Variants in IGSF10 observed in about 807,000 individuals in gnomAD.
The protein encoded by IGSF10 is immunoglobulin superfamily member 10.
In IGSF10, 126 loss-of-function variants were observed where a neutral mutation model predicts 128.2. That is an observed-to-expected ratio of 0.98 (90% CI 0.85 to 1.14). The LOEUF (loss-of-function observed/expected upper bound fraction) is 1.14. Ranked by LOEUF, IGSF10 falls within the 50% of genes most tolerant of loss-of-function variation. The probability of loss-of-function intolerance (pLI) is 0.00; values close to 1 mark genes in which losing one functional copy is unlikely to be tolerated. For missense variants in IGSF10, 3,295 were observed against 3,149.8 expected, an observed-to-expected ratio of 1.05 and a Z score of -1.10; for synonymous variants, 1,185 against 1,146.2, an observed-to-expected ratio of 1.03 and a Z score of -0.68.
the IGSF10 span, among the ~76,000 whole-genome samples, chr3:151,497,196 A>T: frequency 1.3e-5 from 2 of 151,990 alleles, no homozygotes; most frequent in Admixed American, 6.6e-5. Flanking sequence ...CCCATTTGTC[A>T]ATTTTGGCTT....
At chr3:151,464,100 A>G (rs1486520506), upstream of IGSF10, among the ~76,000 whole-genome samples, 1 of 152,318 alleles carries the variant, frequency 6.6e-6, no homozygotes, top group East Asian at 1.9e-4. Context: ...TAATTTGCCA[A>G]GATCTCAGAG....
At chr3:151,524,868 T>A in the IGSF10 span, among the ~76,000 whole-genome samples, 4 of 152,090 alleles carry the variant, frequency 2.6e-5, no homozygotes, top group Admixed American at 6.6e-5. Flanking sequence ...TGGATTTTGA[T>A]TTTTTCCTTC....
At chr3:151,567,200 A>G in the IGSF10 span, among the ~76,000 whole-genome samples, 1 of 152,188 alleles carries the variant, frequency 6.6e-6, no homozygotes, top group East Asian at 1.9e-4. Context: ...AGAAACTTCT[A>G]TCTTCAGTGG....
the IGSF10 span, among the ~76,000 whole-genome samples, chr3:151,619,724 G>A: frequency 1.4e-4 from 21 of 152,098 alleles, no homozygotes; most frequent in Non-Finnish European, 2.6e-4. Flanking sequence ...TGGAATATTT[G>A]GGAGGTGATT....
chr3:151,446,544 G>A lies in IGSF10; in HGVS notation c.3437C>T (p.Ala1146Val), dbSNP rs1193050509. The change falls in exon 6 of 8, where the codon GCT (alanine) becomes GTT (valine). Residue 1146 changes from alanine (A) to valine (V), a missense_variant. By Grantham distance (64) the Ala-to-Val change is moderately conservative. Transcript: ENST00000282466. ...VTPTGAVMTY[A>V]PTSIPMEKTH... ...TTTTTCCATGGGTATGGATGTTGGA[G>A]CATATGTCATGACTGCACCAGTTGG... 8 of 1,614,054 alleles carry A rather than the reference G, an allele frequency of 5.0e-6. 1 individual carries two copies. Among genetic ancestry groups the A allele is most frequent in the Middle Eastern group, 3.3e-4 (2 of 6,062 alleles).
the IGSF10 span, among the ~76,000 whole-genome samples, chr3:151,596,003 T>C: frequency 6.6e-6 from 1 of 152,264 alleles, no homozygotes; most frequent in South Asian, 2.1e-4. Context: ...TTTGAGATGA[T>C]GGGTGTGTTA....
chr3:151,523,538 G>A, the IGSF10 span, among the ~76,000 whole-genome samples: 1 of 152,132 alleles, frequency 6.6e-6, no homozygotes. Context: ...TTTGATCTTC[G>A]ACAAAGCTGA....
At chr3:151,499,252 G>A in the IGSF10 span, among the ~76,000 whole-genome samples, 73 of 152,226 alleles carry the variant, frequency 4.8e-4, no homozygotes, top group Admixed American at 1.8e-3. Flanking sequence ...TCTTGCCAGT[G>A]GTTGCAGATC....
the IGSF10 span, among the ~76,000 whole-genome samples, chr3:151,516,693 C>T: frequency 2.0e-5 from 3 of 151,172 alleles, no homozygotes; most frequent in Non-Finnish European, 4.4e-5. Context: ...CTCCTCTTAA[C>T]CTACATCATA....
At position 151,448,752 on chromosome 3, in the gene IGSF10, T is replaced by C. The variant is rs1458233848; in HGVS notation, c.1229A>G (p.Lys410Arg). 4.3e-6 allele frequency: 7 copies of C among 1,613,746 alleles called. No homozygotes were observed. The highest frequency in any genetic ancestry group is 5.9e-6 in the Non-Finnish European group (7 of 1,179,626). The change falls in exon 6 of 8, where the codon AAG (lysine) becomes AGG (arginine). Residue 410 changes from lysine to arginine, a missense_variant. Coordinates refer to ENST00000282466, the MANE Select transcript of IGSF10 (RefSeq NM_178822.5). Reference sequence around the variant, plus strand: ...TATGTTGGTAAAAATGTCTTCAGGCTTAGGAGCCACCTGTTTATATTTGTA... The same window carrying C: ...TATGTTGGTAAAAATGTCTTCAGGCCTAGGAGCCACCTGTTTATATTTGTA... The part of the protein sequence containing the change: ...LYYKYKQVAP[K>R]PEDIFTNIEA...
chr3:151,514,207 C>A, the IGSF10 span, among the ~76,000 whole-genome samples: 1 of 152,066 alleles, frequency 6.6e-6, no homozygotes, highest in African/African-American at 2.4e-5. Flanking sequence ...CATCAAGCTA[C>A]CTGACTTCAA....
the IGSF10 span, among the ~76,000 whole-genome samples, chr3:151,617,318 T>C: frequency 5.5e-3 from 438 of 78,938 alleles, 17 homozygotes; most frequent in African/African-American, 0.018. Flanking sequence ...TTCTTCTTCT[T>C]CCCCTCCTCC....
At chr3:151,580,862 A>G in the IGSF10 span, among the ~76,000 whole-genome samples, 1 of 151,944 alleles carries the variant, frequency 6.6e-6, no homozygotes, top group African/African-American at 2.4e-5. Flanking sequence ...ATAACCAGAC[A>G]TTTTTTCAAG....
At chr3:151,604,700 G>A in the IGSF10 span, among the ~76,000 whole-genome samples, 28 of 151,536 alleles carry the variant, frequency 1.8e-4, no homozygotes, top group Non-Finnish European at 3.2e-4. Context: ...CCAAAGGCTT[G>A]TTTGGTAAGC....
Position 151,448,286 on chromosome 3 carries a change from C to A in IGSF10, c.1695G>T (p.Arg565Ser). Residue 565 changes from arginine to serine, a missense_variant, in exon 6 of 8, where the codon AGG (arginine) becomes AGT (serine). By Grantham distance (110) the Arg-to-Ser change is moderately radical. Transcript: ENST00000282466. The stretch of plus-strand genomic sequence containing the variant: ...CGACCAAAGGTTCTACCACAGTTAT[C>A]CTATAGGTGAGAATATCTGCATCAT... ...NYDDADILTY[R>S]ITVVEPLVEA... 6.2e-7 allele frequency: 1 copy of A among 1,614,208 alleles called. No individual in the cohort carries two copies.
At chr3:151,517,181 A>G in the IGSF10 span, among the ~76,000 whole-genome samples, 2 of 152,188 alleles carry the variant, frequency 1.3e-5, no homozygotes, top group East Asian at 1.9e-4. Flanking sequence ...ATGCCAAATA[A>G]TAGAATCACT....
intron 5 of IGSF10, among the ~76,000 whole-genome samples, chr3:151,449,658 A>G (rs959946251): frequency 2.6e-5 from 4 of 152,194 alleles, no homozygotes; most frequent in Admixed American, 6.5e-5. Flanking sequence ...TTAACATTTT[A>G]AGATGGCCAC....
At chr3:151,534,307 T>A in the IGSF10 span, among the ~76,000 whole-genome samples, 7 of 152,200 alleles carry the variant, frequency 4.6e-5, no homozygotes, top group African/African-American at 1.7e-4. Context: ...TTACTGGGTA[T>A]ATACCCAAAG....
chr3:151,505,315 C>G, the IGSF10 span, among the ~76,000 whole-genome samples: 1 of 151,860 alleles, frequency 6.6e-6, no homozygotes, highest in Non-Finnish European at 1.5e-5. Context: ...AAGGGGGAAG[C>G]CCTTTATAAA....
Sources: gnomAD v4.1 joint callset for allele counts (sites outside exome capture counted in the v4.1 genomes callset) on GRCh38, gnomAD v4.1.1 for gene constraint, MANE v1.5 for transcripts, NCBI Gene and HGNC (gene_info 2026-07-23, HGNC 2026-07-21) for gene names.